CABIN1: variants seen among roughly 807,000 people sequenced by gnomAD.
The protein encoded by CABIN1 is calcineurin binding protein 1.
In CABIN1, 133 loss-of-function variants were observed where a neutral mutation model predicts 227.7. The ratio of observed to expected loss-of-function variants is 0.58; its 90% CI spans 0.51 to 0.67. CABIN1 has a LOEUF of 0.67. Among genes scored for constraint, CABIN1 ranks in the 30% least tolerant of loss-of-function variants. CABIN1 has a pLI of 0.00. For synonymous variants in CABIN1, 1,086 were observed against 1,155.1 expected, an observed-to-expected ratio of 0.94 and a Z score of 1.21; for missense variants, 2,408 against 2,852.5, an observed-to-expected ratio of 0.84 and a Z score of 3.55.
intron 18 of CABIN1, among the ~76,000 whole-genome samples, 187 bp from the exon 19 acceptor site, chr22:24,075,982 T>G (rs1340397618): frequency 2.0e-5 from 3 of 150,876 alleles, no homozygotes; most frequent in Non-Finnish European, 4.4e-5. Context: ...GTGTATTGCT[T>G]TAGTAAAGCC....
intron 8 of CABIN1, among the ~76,000 whole-genome samples, chr22:24,054,581 A>G (rs917192212): frequency 1.3e-5 from 2 of 152,180 alleles, no homozygotes; most frequent in Non-Finnish European, 2.9e-5. Context: ...TACCTACTTG[A>G]GTCTGAAAGT....
chr22:24,035,457 T>C lies in CABIN1; in HGVS notation c.-61T>C. 3.1e-6 allele frequency: 5 copies of C among 1,612,258 alleles called. No homozygotes were observed. The highest frequency in any genetic ancestry group is 4.2e-6 in the Non-Finnish European group (5 of 1,178,304). ...TTTCCTTTCTAGGAGAGTTGTGGAC[T>C]GGGGCAACCTTTGCCAGTGATGAGA... is the stretch of plus-strand genomic sequence containing the variant. On this transcript the variant is annotated 5_prime_UTR_variant, in exon 2 of 37. Coordinates refer to ENST00000263119, the MANE Select transcript of CABIN1 (RefSeq NM_012295.4).
At position 24,055,151 on chromosome 22, in the gene CABIN1, C is replaced by T. The variant is rs774780962; in HGVS notation, c.1085C>T (p.Ala362Val). 1.2e-6 allele frequency: 2 copies of T among 1,611,486 alleles called. No individual in the cohort carries two copies. The highest frequency in any genetic ancestry group is 1.7e-6 in the Non-Finnish European group (2 of 1,180,020). The change falls in exon 9 of 37, where the codon GCT (alanine) becomes GTT (valine). Residue 362 changes from alanine to valine, a missense_variant. This residue lies in a region of CABIN1 where 1,045 missense variants were observed against 1,168.4 expected (regional missense o/e 0.89). Coordinates refer to ENST00000263119, the MANE Select transcript of CABIN1 (RefSeq NM_012295.4). ...LHSPGLLETG[A>V]PVGDISGGDK... is the part of the protein sequence containing the mutation. ...AGTCCTGGTCTGTTGGAGACAGGCGCTCCTGTGGGTAAGCAGGCCCCCTGA... is the reference window on the plus strand; with the variant it reads ...AGTCCTGGTCTGTTGGAGACAGGCGTTCCTGTGGGTAAGCAGGCCCCCTGA...
chr22:24,019,120 GTTTTTTTTTTTTTTTT>G (rs945660140), intron 1 of CABIN1, among the ~76,000 whole-genome samples: 4 of 40,216 alleles, frequency 9.9e-5, no homozygotes, highest in South Asian at 2.6e-3. Flanking sequence ...ACTGAGTGTT[GTTTTTTTTTTTTTTTT>G]TTTTTTTTTT....
rs114379600 is a variant in CABIN1, at chr22:24,088,190, G to T, written c.3525+477G>T. Reference sequence around the variant, plus strand: ...ACCCTTGGCTCCTTGAGATGGAAGTGAAGGAGCCATACTGACATGTTTAGG... The same window carrying T: ...ACCCTTGGCTCCTTGAGATGGAAGTTAAGGAGCCATACTGACATGTTTAGG... On this transcript the variant is annotated intron_variant, in intron 23 of 36. Transcript: ENST00000263119. 8.0e-3 allele frequency among the ~76,000 whole-genome samples: 1,217 copies of T among 152,260 alleles called. 21 individuals are homozygous for T. The highest frequency in any genetic ancestry group is 0.028 in the African/African-American group (1,172 of 41,534).
chr22:24,051,549 A>G (rs1173944653), intron 8 of CABIN1, among the ~76,000 whole-genome samples: 1 of 151,984 alleles, frequency 6.6e-6, no homozygotes, highest in Non-Finnish European at 1.5e-5. Flanking sequence ...CTGGAATTCA[A>G]TTTCTGTATT....
chr22:24,056,495 G>GTTA, intron 10 of CABIN1, 135 bp downstream of exon 10: 1 of 881,840 alleles, frequency 1.1e-6, no homozygotes, highest in Non-Finnish European at 1.8e-6. Flanking sequence ...CTGTGCAGAT[G>GTTA]TCTGAAGCAC....
At position 24,178,104 on chromosome 22, in the gene CABIN1, T is replaced by G; in HGVS notation, c.6571T>G (p.Cys2191Gly). The change falls in exon 37 of 37, where the codon TGC becomes GGC. Residue 2191 changes from cysteine to glycine, a missense_variant. Cys to Gly is a radical substitution (Grantham distance 159, BLOSUM62 -3). Transcript: ENST00000263119. ...TGCCAACGTGAGGAAGGAGAGCCTA[T>G]GCCAGCCAGCCCTGGAGGTCCTGGA... ...SAANVRKESL[C>G]QPALEVLETS... The G allele has an allele frequency of 6.8e-6, 11 of 1,613,804 alleles. No homozygotes were observed. Among genetic ancestry groups the G allele is most frequent in the Non-Finnish European group, 9.3e-6 (11 of 1,179,960 alleles).
At chr22:24,099,936 AAG>A (rs1181812052) in intron 26 of CABIN1, among the ~76,000 whole-genome samples, 1 of 152,204 alleles carries the variant, frequency 6.6e-6, no homozygotes, top group Non-Finnish European at 1.5e-5. Context: ...GCGCCTCAGA[AAG>A]GGGGCCATGA....
chr22:24,036,987 C>T (rs913918484), intron 3 of CABIN1, among the ~76,000 whole-genome samples: 1 of 151,998 alleles, frequency 6.6e-6, no homozygotes, highest in Non-Finnish European at 1.5e-5. Context: ...AGGCCGGGTG[C>T]GGTGGCTCAT....
At chr22:24,056,647 T>C in intron 10 of CABIN1, 1 of 406,768 alleles carries the variant, frequency 2.5e-6, no homozygotes, top group Non-Finnish European at 4.5e-6. Context: ...AGACATCTAT[T>C]TGTTGCTGGG....
Position 24,041,374 on chromosome 22 carries a change from G to A in CABIN1, c.345+101G>A, listed in dbSNP as rs2147084576. The A allele has an allele frequency of 2.8e-6, 4 of 1,450,590 alleles. No homozygotes were observed. In the South Asian group the frequency reaches 4.6e-5, roughly 17 times the overall value. The allele number at this position is 1,450,590 out of a possible 1,614,324, so 89.9% of individuals were successfully genotyped here. A position where few individuals can be genotyped will look rare whatever the true frequency, so the allele number is the denominator to read the frequency against. On this transcript the variant is annotated intron_variant, in intron 5 of 36. Transcript: ENST00000263119. ...GGGCCAAAAAGAAGAGTTTGTAGTG[G>A]TGGATCACCAAGCTATAGTACCCAA...
intron 31 of CABIN1, 83 bp from the exon 32 acceptor site, chr22:24,166,556 G>A: frequency 6.4e-7 from 1 of 1,558,382 alleles, no homozygotes; most frequent in Non-Finnish European, 8.8e-7. Context: ...GAGAGGCCCA[G>A]GTTGGGCTCA....
intron 1 of CABIN1, among the ~76,000 whole-genome samples, chr22:24,024,742 C>T (rs1445017694): frequency 1.3e-5 from 2 of 152,072 alleles, no homozygotes. Flanking sequence ...TGGATAATTT[C>T]AATTGCCTTT....
intron 24 of CABIN1, among the ~76,000 whole-genome samples, chr22:24,094,056 G>A (rs1474939501): frequency 6.6e-6 from 1 of 152,090 alleles, no homozygotes; most frequent in Admixed American, 6.5e-5. Context: ...CCACCTGGGG[G>A]CAGGTGCCTT....
At chr22:24,165,729 GA>G in intron 31 of CABIN1, 103 bp downstream of exon 31, 1 of 936,984 alleles carries the variant, frequency 1.1e-6, no homozygotes, top group Non-Finnish European at 1.7e-6. Context: ...CCTTAGGCAG[GA>G]TGTGCCTAAG....
At chr22:24,090,396 A>C (rs928295351) in intron 23 of CABIN1, among the ~76,000 whole-genome samples, 7 of 152,180 alleles carry the variant, frequency 4.6e-5, no homozygotes, top group Non-Finnish European at 8.8e-5. Flanking sequence ...CACATTTGCC[A>C]CAGAATCCCA....
rs1298771523 is a variant in CABIN1 at position 24,176,108 on chromosome 22, C to T, written c.6041-3C>T. 1 of 1,610,122 alleles carries T rather than the reference C, an allele frequency of 6.2e-7. No individual in the cohort carries two copies. The highest frequency in any genetic ancestry group is 1.1e-5 in the South Asian group (1 of 90,432). ...TACCTGCAGTGAGCCCATGTCCCCA[C>T]AGAGGGAGAAGAGCTGGCGAGAGTG... On this transcript the variant is annotated splice_region_variant and splice_polypyrimidine_tract_variant and intron_variant, in intron 34 of 36. Transcript: ENST00000263119.
intron 25 of CABIN1, among the ~76,000 whole-genome samples, chr22:24,097,657 A>AG (rs781361979): frequency 6.6e-6 from 1 of 152,238 alleles, no homozygotes; most frequent in Non-Finnish European, 1.5e-5. Flanking sequence ...CCCATTTGTC[A>AG]GGTCTTAAGT....
Sources: gnomAD v4.1 joint callset for allele counts (sites outside exome capture counted in the v4.1 genomes callset) on GRCh38, gnomAD v4.1.1 for gene constraint, gnomAD v4.1.1 regional missense constraint, MANE v1.5 for transcripts, NCBI Gene and HGNC (gene_info 2026-07-23, HGNC 2026-07-21) for gene names.